Variants in LPCAT1 observed in about 807,000 individuals in gnomAD.
LPCAT1 encodes the protein lysophosphatidylcholine acyltransferase 1.
A neutral mutation model predicts 60.9 loss-of-function variants in LPCAT1; 23 were observed. The ratio of observed to expected loss-of-function variants is 0.38; its 90% CI spans 0.27 to 0.53. The LOEUF (loss-of-function observed/expected upper bound fraction) is 0.53, where lower values mean the gene tolerates loss of function less well. Ranked by LOEUF, LPCAT1 falls within the 20% of genes least tolerant of loss-of-function variation. LPCAT1 has a pLI of 0.82. For missense variants in LPCAT1, 622 were observed against 723.6 expected (o/e 0.86, Z 1.61); for synonymous variants, 340 against 301.1 (o/e 1.13, Z -1.34).
chr5:1,483,409 C>G lies in LPCAT1; in HGVS notation c.726+19G>C, dbSNP rs376064730. The G allele has an allele frequency of 6.2e-7, 1 of 1,613,366 alleles. No homozygotes were observed. Among genetic ancestry groups the G allele is most frequent in the Non-Finnish European group, 8.5e-7 (1 of 1,179,916 alleles). Reference sequence around the variant, plus strand: ...CGGAGAATTCCCCTGGAAGCTGACCCCAAAAAAACACAACTCACCAGTTTA... The same window carrying G: ...CGGAGAATTCCCCTGGAAGCTGACCGCAAAAAAACACAACTCACCAGTTTA... On this transcript the variant is annotated intron_variant, in intron 6 of 13. Transcript: ENST00000283415. This position sits in a 1 kb window ranked among gnomAD's most constrained non-coding sequence, Gnocchi z 9.2.
At chr5:1,479,721 T>A in intron 7 of LPCAT1, 46 bp from the exon 8 acceptor site, 1 of 1,464,238 alleles carries the variant, frequency 6.8e-7, no homozygotes, top group Non-Finnish European at 9.6e-7. Context: ...CAACTCGGGT[T>A]AACAAGTAAA....
intron 6 of LPCAT1, among the ~76,000 whole-genome samples, chr5:1,482,798 C>T (rs1735212974): frequency 6.6e-6 from 1 of 151,946 alleles, no homozygotes; most frequent in Non-Finnish European, 1.5e-5. Context: ...GGTGGCAAGG[C>T]CCCATGGGGA....
chr5:1,477,530 C>T lies in LPCAT1; in HGVS notation c.817-44G>A, dbSNP rs202079531. 2 of 1,409,444 alleles carry T rather than the reference C, an allele frequency of 1.4e-6. No individual in the cohort carries two copies. The highest frequency in any genetic ancestry group is 2.0e-6 in the Non-Finnish European group (2 of 1,001,000). 87.3% of individuals were successfully genotyped at this position (1,409,444 alleles called of 1,614,324 possible). Reference sequence around the variant, plus strand: ...TGCGTTAGTATCACAAGACGCTGACCTCAGCAACACCACTGTAACGACAAC... The same window carrying T: ...TGCGTTAGTATCACAAGACGCTGACTTCAGCAACACCACTGTAACGACAAC... On this transcript the variant is annotated intron_variant, in intron 8 of 13. Transcript: ENST00000283415. This position sits in a 1 kb window ranked among gnomAD's most constrained non-coding sequence, Gnocchi z 6.0.
Position 1,487,670 on chromosome 5 carries a change from C to T in LPCAT1, c.667+721G>A, listed in dbSNP as rs1374200304. ...CTTTTCCACGTGACTCTGATCCAAC[C>T]ACAGAGAACAGGTCTGCATGCCCCA... On this transcript the variant is annotated intron_variant, in intron 5 of 13. Transcript: ENST00000283415. This position sits in a 1 kb window ranked among gnomAD's most constrained non-coding sequence, Gnocchi z 6.1. Among the ~76,000 whole-genome samples, 1 of 152,126 alleles carries T rather than the reference C, an allele frequency of 6.6e-6. No homozygotes were observed. The highest frequency in any genetic ancestry group is 2.4e-5 in the African/African-American group (1 of 41,424).
In LPCAT1 at chr5:1,468,336, G is replaced by A. The variant is rs1024558773; in HGVS notation, c.1279-1446C>T. On this transcript the variant is annotated intron_variant, in intron 12 of 13. Coordinates refer to ENST00000283415, the MANE Select transcript of LPCAT1 (RefSeq NM_024830.5). The stretch of plus-strand genomic sequence containing the variant: ...TCAAACATCTGCAGACGAAATCCAC[G>A]TTGGTGCTGCTGGAGCCTCAGAACG... Among the ~76,000 whole-genome samples the A allele has an allele frequency of 2.0e-5, 3 of 152,204 alleles. No homozygotes were observed. The East Asian group carries it at 5.8e-4, about 29-fold the overall frequency.
intron 1 of LPCAT1, among the ~76,000 whole-genome samples, chr5:1,517,267 G>A (rs757635388): frequency 6.6e-6 from 1 of 152,124 alleles, no homozygotes; most frequent in Non-Finnish European, 1.5e-5. Flanking sequence ...GTCATGGGCC[G>A]CGTGGGGATG....
Position 1,461,756 on chromosome 5 carries a change from T to C in LPCAT1, c.*1895A>G, listed in dbSNP as rs573021965. 7 of 152,794 alleles carry C rather than the reference T, an allele frequency of 4.6e-5. No individual in the cohort carries two copies. Among genetic ancestry groups the C allele is most frequent in the African/African-American group, 1.4e-4 (6 of 41,584 alleles). 9.5% of individuals were successfully genotyped at this position (152,794 alleles called of 1,614,324 possible). ...TTTTTCTGAAAATGCACAGTGGCATTTCATTCAAAAAACCCTTCATCTGCA... is the reference window on the plus strand; with the variant it reads ...TTTTTCTGAAAATGCACAGTGGCATCTCATTCAAAAAACCCTTCATCTGCA... On this transcript the variant is annotated 3_prime_UTR_variant, in exon 14 of 14. Coordinates refer to ENST00000283415, the MANE Select transcript of LPCAT1 (RefSeq NM_024830.5).
At chr5:1,466,140 C>CGA (rs898338361) in intron 13 of LPCAT1, among the ~76,000 whole-genome samples, 24 of 152,260 alleles carry the variant, frequency 1.6e-4, no homozygotes, top group Admixed American at 1.5e-3. Context: ...AGCTCATTCA[C>CGA]ACTGCAGGGG....
chr5:1,473,516 C>T (rs552493318), intron 11 of LPCAT1, among the ~76,000 whole-genome samples: 3 of 152,356 alleles, frequency 2.0e-5, no homozygotes, highest in Admixed American at 6.5e-5. Context: ...GGGGAGTGGG[C>T]GGCTGCACCA....
At chr5:1,497,848 A>G (rs1735850294) in intron 2 of LPCAT1, among the ~76,000 whole-genome samples, 2 of 152,208 alleles carry the variant, frequency 1.3e-5, no homozygotes, top group South Asian at 4.1e-4. Flanking sequence ...AAAGGGCACC[A>G]TCCATCTGAA....
intron 2 of LPCAT1, among the ~76,000 whole-genome samples, chr5:1,498,668 T>C (rs114460980): frequency 0.044 from 6,767 of 152,114 alleles, 189 homozygotes; most frequent in Middle Eastern, 0.092. Flanking sequence ...ACAACACTCA[T>C]ACACATGTAC....
At position 1,480,839 on chromosome 5, in the gene LPCAT1, T is replaced by C. The variant is rs556031995; in HGVS notation, c.761+103A>G. The C allele has an allele frequency of 2.1e-5, 29 of 1,410,258 alleles. No individual in the cohort carries two copies. In the African/African-American group the frequency reaches 3.5e-4, roughly 17 times the overall value. The allele number at this position is 1,410,258 out of a possible 1,614,324, so 87.4% of individuals were successfully genotyped here. Reference sequence around the variant, plus strand: ...AACCTAACGGCTGTCCCACACCTGCTTTCACAACTGCAAAAGTAACTAGCG... The same window carrying C: ...AACCTAACGGCTGTCCCACACCTGCCTTCACAACTGCAAAAGTAACTAGCG... On this transcript the variant is annotated intron_variant, in intron 7 of 13. Coordinates refer to ENST00000283415, the MANE Select transcript of LPCAT1 (RefSeq NM_024830.5). The surrounding 1 kb of genome is among the most constrained non-coding windows in gnomAD (Gnocchi z 6.4).
chr5:1,480,591 G>T lies in LPCAT1; in HGVS notation c.761+351C>A, dbSNP rs1030109556. Among the ~76,000 whole-genome samples, 7 of 152,280 alleles carry T rather than the reference G, an allele frequency of 4.6e-5. No individual in the cohort carries two copies. Among genetic ancestry groups the T allele is most frequent in the Non-Finnish European group, 1.0e-4 (7 of 68,018 alleles). Reference sequence around the variant, plus strand: ...CCACCCAGCACTACTCAGTCTCTGTGCCTGTGCAGACGGGGTCCCCCCAGA... The same window carrying T: ...CCACCCAGCACTACTCAGTCTCTGTTCCTGTGCAGACGGGGTCCCCCCAGA... On this transcript the variant is annotated intron_variant, in intron 7 of 13. Coordinates refer to ENST00000283415, the MANE Select transcript of LPCAT1 (RefSeq NM_024830.5). This position sits in a 1 kb window ranked among gnomAD's most constrained non-coding sequence, Gnocchi z 6.4.
At position 1,519,467 on chromosome 5, in the gene LPCAT1, C is replaced by T. The variant is rs529631426; in HGVS notation, c.135+4243G>A. Reference sequence around the variant, plus strand: ...TGCAAAGTTAACCACAACTAAGTTTCACGAGTGCGTCATTCGGAAAATTCA... The same window carrying T: ...TGCAAAGTTAACCACAACTAAGTTTTACGAGTGCGTCATTCGGAAAATTCA... On this transcript the variant is annotated intron_variant, in intron 1 of 13. Transcript: ENST00000283415. 4.3e-4 allele frequency among the ~76,000 whole-genome samples: 66 copies of T among 152,348 alleles called. No homozygotes were observed. The South Asian group carries it at 0.013, about 31-fold the overall frequency.
chr5:1,486,405 G>A (rs893225023), intron 5 of LPCAT1, among the ~76,000 whole-genome samples: 4 of 152,196 alleles, frequency 2.6e-5, no homozygotes, highest in African/African-American at 9.7e-5. Context: ...CCAGGAGCCT[G>A]AGGCTGGAGG....
At position 1,523,808 on chromosome 5, in the gene LPCAT1, C is replaced by G; in HGVS notation, c.37G>C (p.Ala13Pro). 3 of 1,095,968 alleles carry G rather than the reference C, an allele frequency of 2.7e-6. No individual in the cohort carries two copies. Among genetic ancestry groups the G allele is most frequent in the Non-Finnish European group, 3.3e-6 (3 of 901,410 alleles). The allele number at this position is 1,095,968 out of a possible 1,614,324, so 67.9% of individuals were successfully genotyped here. A position where few individuals can be genotyped will look rare whatever the true frequency, so the allele number is the denominator to read the frequency against. The stretch of plus-strand genomic sequence containing the variant: ...GCGTCGCTGGCCCCTGCGCTGGAGG[C>G]AGGGGCGGCCCGGGGTCCGCATCCC... ...LRGCGPRAAP[A>P]SSAGASDARL... is the part of the protein sequence containing the mutation. Residue 13 changes from alanine to proline, a missense_variant, in exon 1 of 14, where the codon GCC becomes CCC. Physicochemically the swap from Ala to Pro is conservative, Grantham distance 27. Coordinates refer to ENST00000283415, the MANE Select transcript of LPCAT1 (RefSeq NM_024830.5). This position sits in a 1 kb window ranked among gnomAD's most constrained non-coding sequence, Gnocchi z 7.1.
At chr5:1,467,028 G>T in intron 12 of LPCAT1, 138 bp from the exon 13 acceptor site, 1 of 898,012 alleles carries the variant, frequency 1.1e-6, no homozygotes, top group Non-Finnish European at 1.5e-6. Context: ...GGACACGGGG[G>T]ACTCGAACTT....
Position 1,502,686 on chromosome 5 carries a change from G to A in LPCAT1, c.136-1083C>T, listed in dbSNP as rs1736062777. 6.6e-6 allele frequency among the ~76,000 whole-genome samples: 1 copy of A among 152,150 alleles called. No individual in the cohort carries two copies. Among genetic ancestry groups the A allele is most frequent in the African/African-American group, 2.4e-5 (1 of 41,440 alleles). ...TGAGGGGAAACACCAGTCCTGAGGT[G>A]CAGGTTTAGTGCAGAGACAGAAAAG... On this transcript the variant is annotated intron_variant, in intron 1 of 13. Transcript: ENST00000283415. This position sits in a 1 kb window ranked among gnomAD's most constrained non-coding sequence, Gnocchi z 5.5.
At chr5:1,464,945 A>C (rs1375706155) in intron 13 of LPCAT1, among the ~76,000 whole-genome samples, 1 of 151,906 alleles carries the variant, frequency 6.6e-6, no homozygotes, top group Non-Finnish European at 1.5e-5. Context: ...GCACATGCAC[A>C]CACATGGTAA....
Sources: gnomAD v4.1 joint callset for allele counts (sites outside exome capture counted in the v4.1 genomes callset) on GRCh38, gnomAD v4.1.1 for gene constraint, Gnocchi (gnomAD v3.1) non-coding constraint, MANE v1.5 for transcripts, NCBI Gene and HGNC (gene_info 2026-07-23, HGNC 2026-07-21) for gene names.